IMPA2: variants seen among roughly 807,000 people sequenced by gnomAD.
The protein encoded by IMPA2 is IMP 2.
Under a neutral mutation model 35.1 loss-of-function variants are expected in IMPA2, and 32 were observed. That is an observed-to-expected ratio of 0.91 (90% CI 0.69 to 1.23). The LOEUF (loss-of-function observed/expected upper bound fraction) is 1.23, where lower values mean the gene tolerates loss of function less well. Among genes scored for constraint, IMPA2 ranks in the 50% most tolerant of loss-of-function variants. The pLI is 0.00. For synonymous variants in IMPA2, 135 were observed against 160.6 expected (o/e 0.84, Z 1.20); for missense variants, 334 against 387.6 (o/e 0.86, Z 1.16).
In IMPA2 at chr18:11,983,414, G is replaced by C. The variant is rs372799165; in HGVS notation, c.96+1649G>C. On this transcript the variant is annotated intron_variant, in intron 1 of 7. Transcript: ENST00000269159. ...CAGTGAAAAGCCAGCTTAGGATTCA[G>C]ACATTGCTGTGTAAACCCTGGCGAG... Among the ~76,000 whole-genome samples, 228 of 152,290 alleles carry C rather than the reference G, an allele frequency of 1.5e-3. 3 individuals are homozygous for C. The South Asian group carries it at 0.045, about 30-fold the overall frequency.
chr18:12,024,227 AT>A, intron 5 of IMPA2, among the ~76,000 whole-genome samples: 1 of 152,296 alleles, frequency 6.6e-6, no homozygotes, highest in East Asian at 1.9e-4. Context: ...AAGCTATAAA[AT>A]CATTTTTAAA....
At chr18:11,989,368 G>A (rs941051915) in intron 1 of IMPA2, among the ~76,000 whole-genome samples, 5 of 152,174 alleles carry the variant, frequency 3.3e-5, no homozygotes, top group Non-Finnish European at 7.4e-5. Context: ...GCCTCGCCTG[G>A]TCCACACCTG....
chr18:11,997,645 G>A (rs1040921145), intron 1 of IMPA2, among the ~76,000 whole-genome samples: 3 of 152,106 alleles, frequency 2.0e-5, no homozygotes, highest in East Asian at 1.9e-4. Context: ...AGAATTCCCC[G>A]TGTGCTTCTT....
At chr18:12,001,420 C>T (rs671470) in intron 2 of IMPA2, among the ~76,000 whole-genome samples, 62,708 of 151,502 alleles carry the variant, frequency 0.41, 14,961 homozygotes, top group East Asian at 0.64. Context: ...GGCTCATCTG[C>T]GTGGGGTCTG....
At chr18:12,030,184 A>G (rs77740051) in intron 7 of IMPA2, among the ~76,000 whole-genome samples, 159 bp from the exon 8 acceptor site, 2,127 of 152,322 alleles carry the variant, frequency 0.014, 41 homozygotes, top group African/African-American at 0.046. Context: ...TTCTTTGCCG[A>G]ATTCACTCCT....
chr18:11,983,283 G>T (rs1906559315), intron 1 of IMPA2, among the ~76,000 whole-genome samples: 1 of 152,168 alleles, frequency 6.6e-6, no homozygotes, highest in Admixed American at 6.5e-5. Flanking sequence ...TGGAACACGG[G>T]TTCTCCTTCC....
intron 1 of IMPA2, among the ~76,000 whole-genome samples, chr18:11,984,573 C>T (rs2143770897): frequency 6.6e-6 from 1 of 152,336 alleles, no homozygotes; most frequent in East Asian, 1.9e-4. Context: ...GATGTGGTGG[C>T]TGAAGCCTGT....
chr18:12,025,904 TATG>T (rs1907869883), intron 5 of IMPA2, among the ~76,000 whole-genome samples: 1 of 152,146 alleles, frequency 6.6e-6, no homozygotes, highest in Non-Finnish European at 1.5e-5. Flanking sequence ...CCTGAGGACA[TATG>T]ATGTGGAGCA....
intron 5 of IMPA2, among the ~76,000 whole-genome samples, chr18:12,015,278 A>G (rs183217148): frequency 6.6e-6 from 1 of 152,090 alleles, no homozygotes; most frequent in Non-Finnish European, 1.5e-5. Context: ...CTGCTCTCCC[A>G]TCAGCCTCCC....
rs565416216 is a variant in IMPA2, at chr18:11,989,451, A to C, written c.96+7686A>C. Among the ~76,000 whole-genome samples, 6 of 152,340 alleles carry C rather than the reference A, an allele frequency of 3.9e-5. No individual in the cohort carries two copies. The South Asian group carries it at 1.2e-3, about 32-fold the overall frequency. On this transcript the variant is annotated intron_variant, in intron 1 of 7. Coordinates refer to ENST00000269159, the MANE Select transcript of IMPA2 (RefSeq NM_014214.3). The stretch of plus-strand genomic sequence containing the variant: ...TCGAAAACTCAACAACATTTCAAAC[A>C]TCAGCAGAGACAGAATTCCTGTGAG...
intron 1 of IMPA2, among the ~76,000 whole-genome samples, chr18:11,989,417 G>A (rs663591): frequency 0.24 from 37,131 of 152,042 alleles, 5,523 homozygotes; most frequent in African/African-American, 0.41. Context: ...GTCAGCCTAC[G>A]TGAGAAATTC....
At chr18:12,027,095 TC>T (rs1423607051) in intron 5 of IMPA2, among the ~76,000 whole-genome samples, 1 of 152,164 alleles carries the variant, frequency 6.6e-6, no homozygotes, top group Non-Finnish European at 1.5e-5. Context: ...AGGATTTGTT[TC>T]CCCCGACTTT....
chr18:12,027,567 ATTTTT>A (rs138876745), intron 5 of IMPA2, among the ~76,000 whole-genome samples: 2 of 90,968 alleles, frequency 2.2e-5, no homozygotes, highest in Non-Finnish European at 2.0e-5. Flanking sequence ...AATGATGGTG[ATTTTT>A]TTTTTTTTTT....
intron 2 of IMPA2, among the ~76,000 whole-genome samples, chr18:12,002,950 T>C (rs1907153318): frequency 1.3e-5 from 2 of 151,478 alleles, no homozygotes; most frequent in Non-Finnish European, 2.9e-5. Context: ...CCCTGCACTT[T>C]GGGAGGCCGA....
chr18:12,014,295 G>A lies in IMPA2; in HGVS notation c.412G>A (p.Glu138Lys). 1.9e-6 allele frequency: 3 copies of A among 1,613,932 alleles called. No homozygotes were observed. Among genetic ancestry groups the A allele is most frequent in the Non-Finnish European group, 2.5e-6 (3 of 1,179,972 alleles). ...ATTCGGAGTGATTTACCACTGCACAGAGGAGCGGCTGTACACGGGCCGGCG... is the reference window on the plus strand; with the variant it reads ...ATTCGGAGTGATTTACCACTGCACAAAGGAGCGGCTGTACACGGGCCGGCG... ...LEFGVIYHCTEERLYTGRRGR... is the reference protein window; with the variant it reads ...LEFGVIYHCTKERLYTGRRGR... Residue 138 changes from glutamate (E) to lysine (K), a missense_variant, in exon 5 of 8, where the codon GAG becomes AAG. Transcript: ENST00000269159.
rs1328278899 is a variant in IMPA2 at position 11,985,131 on chromosome 18, G to A, written c.96+3366G>A. ...CACTGCACTCCAGCCTGGGTGATAA[G>A]AGCGAAACTCTGTCTCAAAAAAAAA... On this transcript the variant is annotated intron_variant, in intron 1 of 7. Coordinates refer to ENST00000269159, the MANE Select transcript of IMPA2 (RefSeq NM_014214.3). Among the ~76,000 whole-genome samples the A allele has an allele frequency of 3.3e-3, 386 of 115,690 alleles. 2 individuals carry two copies. The highest frequency in any genetic ancestry group is 0.013 in the African/African-American group (376 of 28,596). 75.9% of individuals were successfully genotyped at this position (115,690 alleles called of 152,430 possible). A position where few individuals can be genotyped will look rare whatever the true frequency, so the allele number is the denominator to read the frequency against.
intron 2 of IMPA2, among the ~76,000 whole-genome samples, chr18:11,999,477 A>T (rs1406678281): frequency 6.6e-6 from 1 of 152,234 alleles, no homozygotes; most frequent in East Asian, 1.9e-4. Context: ...GCACCCCTGT[A>T]CTCAACCATT....
At chr18:12,022,544 T>TATATATATATATATATAC (rs1907760852) in intron 5 of IMPA2, among the ~76,000 whole-genome samples, 4 of 143,072 alleles carry the variant, frequency 2.8e-5, no homozygotes, top group Admixed American at 1.4e-4. Context: ...TATATATATA[T>TATATATATATATATATAC]ATATATATAT....
At chr18:11,990,723 A>G (rs1214150418) in intron 1 of IMPA2, among the ~76,000 whole-genome samples, 2 of 126,462 alleles carry the variant, frequency 1.6e-5, no homozygotes, top group African/African-American at 3.5e-5. Context: ...GAGAAATGTG[A>G]GCTGGAGAGG....
Sources: allele counts gnomAD v4.1 joint callset (sites outside exome capture counted in the v4.1 genomes callset), GRCh38; gene constraint gnomAD v4.1.1; transcripts MANE v1.5; gene names NCBI Gene and HGNC (gene_info 2026-07-23, HGNC 2026-07-21).